The following STAT3 variants were observed in gnomAD, a reference collection of about 807,000 sequenced individuals.
STAT3 encodes the protein DNA-binding protein APRF.
In STAT3, 7 loss-of-function variants were observed where a neutral mutation model predicts 114.3. The ratio of observed to expected loss-of-function variants is 0.06; its 90% CI spans 0.03 to 0.11. STAT3 has a LOEUF of 0.11. Ranked by LOEUF, STAT3 falls within the 10% of genes least tolerant of loss-of-function variation. STAT3 has a pLI of 1.00. For synonymous variants in STAT3, 331 were observed against 354.5 expected, an observed-to-expected ratio of 0.93 and a Z score of 0.74; for missense variants, 364 against 960.9, an observed-to-expected ratio of 0.38 and a Z score of 8.21.
chr17:42,387,994 T>G (rs932054421), intron 1 of STAT3: 2 of 345,590 alleles, frequency 5.8e-6, no homozygotes, highest in African/African-American at 4.2e-5. Flanking sequence ...TGTCCCTCAC[T>G]CCTGCCGCCG....
chr17:42,350,102 C>T (rs1469424745), intron 1 of STAT3, among the ~76,000 whole-genome samples: 1 of 151,694 alleles, frequency 6.6e-6, no homozygotes, highest in Non-Finnish European at 1.5e-5. Context: ...AAGTCAGAGC[C>T]AAAGATGAAG....
At position 42,329,411 on chromosome 17, in the gene STAT3, T is replaced by C. The variant is rs749583802; in HGVS notation, c.1280A>G (p.Asp427Gly). Reference sequence around the variant, plus strand: ...TCTTTCATCCCCAACAAAACTTACATCACAATTGGCTCGGCCCCCATTCCC... The same window carrying C: ...TCTTTCATCCCCAACAAAACTTACACCACAATTGGCTCGGCCCCCATTCCC... Reference protein sequence around the residue: ...RCGNGGRANCDASLIVTEELH... With the variant: ...RCGNGGRANCGASLIVTEELH... The change falls in exon 14 of 24, where the codon GAT becomes GGT. Residue 427 changes from aspartate (D) to glycine (G), a missense_variant and splice_region_variant. Physicochemically the swap from Asp to Gly is moderately conservative, Grantham distance 94 (BLOSUM62 -1). Transcript: ENST00000264657. The C allele has an allele frequency of 6.2e-7, 1 of 1,613,922 alleles. No homozygotes were observed. The highest frequency in any genetic ancestry group is 8.5e-7 in the Non-Finnish European group (1 of 1,180,008).
chr17:42,363,264 G>C (rs919216902), intron 1 of STAT3, among the ~76,000 whole-genome samples: 4 of 152,168 alleles, frequency 2.6e-5, no homozygotes, highest in African/African-American at 9.7e-5. Context: ...GAATGATCAA[G>C]AATCACTGAT....
At chr17:42,378,949 T>G (rs1432867549) in intron 1 of STAT3, among the ~76,000 whole-genome samples, 2 of 152,150 alleles carry the variant, frequency 1.3e-5, no homozygotes, top group Non-Finnish European at 2.9e-5. Flanking sequence ...AAGCAGGTGC[T>G]CAAGTTCAGA....
intron 1 of STAT3, chr17:42,387,906 G>A (rs1466741896): frequency 5.1e-6 from 1 of 194,274 alleles, no homozygotes; most frequent in Non-Finnish European, 1.0e-5. Context: ...CACTCGCGCC[G>A]GTGATCCCCG....
intron 1 of STAT3, among the ~76,000 whole-genome samples, chr17:42,379,450 T>G (rs1235791629): frequency 6.6e-6 from 1 of 152,230 alleles, no homozygotes. Context: ...CTCATACACA[T>G]GTACATTTGC....
At chr17:42,356,143 A>G (rs191111621) in intron 1 of STAT3, among the ~76,000 whole-genome samples, 1 of 152,352 alleles carries the variant, frequency 6.6e-6, no homozygotes, top group Admixed American at 6.5e-5. Context: ...AAAGAAACAC[A>G]GAAGATTTCT....
rs2082276377 is a variant in STAT3 at position 42,337,515 on chromosome 17, C to A, written c.717G>T (p.Glu239Asp). 1 of 1,614,128 alleles carries A rather than the reference C, an allele frequency of 6.2e-7. No homozygotes were observed. Among genetic ancestry groups the A allele is most frequent in the African/African-American group, 1.3e-5 (1 of 74,942 alleles). Residue 239 changes from glutamate to aspartate, a missense_variant, in exon 8 of 24, where the codon GAG becomes GAT. Around this residue, in one of 5 missense-constraint regions of STAT3, gnomAD observed 294 missense variants for 745.1 expected, o/e 0.39. Coordinates refer to ENST00000264657, the MANE Select transcript of STAT3 (RefSeq NM_139276.3). The surrounding 1 kb of genome is among the most constrained non-coding windows in gnomAD (Gnocchi z 4.0). ...GTTGCCGCCTCTTCCAGTCAGCCAG[C>A]TCCTCGTCCGTGAGAGTTTTCTGCA... ...EYVQKTLTDEELADWKRRQQI... is the reference protein window; with the variant it reads ...EYVQKTLTDEDLADWKRRQQI...
chr17:42,385,752 A>C (rs2085068233), intron 1 of STAT3, among the ~76,000 whole-genome samples: 1 of 152,188 alleles, frequency 6.6e-6, no homozygotes, highest in South Asian at 2.1e-4. Flanking sequence ...GACTGTCCTT[A>C]ATCTAAAACA....
chr17:42,325,554 G>A (rs1203625199), intron 15 of STAT3, among the ~76,000 whole-genome samples: 3 of 151,392 alleles, frequency 2.0e-5, no homozygotes, highest in African/African-American at 7.3e-5. Flanking sequence ...ACTTTATAAA[G>A]TCAGTTCTAA....
intron 4 of STAT3, 157 bp downstream of exon 4, chr17:42,345,402 T>A: frequency 1.4e-6 from 1 of 700,506 alleles, no homozygotes; most frequent in South Asian, 1.9e-5. Flanking sequence ...GGTGGAACTT[T>A]CTTTTTTTTT....
At chr17:42,347,970 G>A (rs1210676616) in intron 2 of STAT3, among the ~76,000 whole-genome samples, 1 of 152,176 alleles carries the variant, frequency 6.6e-6, no homozygotes, top group African/African-American at 2.4e-5. Flanking sequence ...AGCAAATTGA[G>A]AACAGACTAA....
At chr17:42,380,627 G>A (rs1245284494) in intron 1 of STAT3, among the ~76,000 whole-genome samples, 1 of 150,332 alleles carries the variant, frequency 6.7e-6, no homozygotes, top group Non-Finnish European at 1.5e-5. Flanking sequence ...GACCTCAGGT[G>A]ATCCACCCGC....
chr17:42,316,943 G>T, intron 22 of STAT3, 42 bp from the exon 23 acceptor site: 1 of 1,589,574 alleles, frequency 6.3e-7, no homozygotes, highest in South Asian at 1.1e-5. Context: ...ACGGGGGGTT[G>T]ACAAGACACA....
chr17:42,337,612 G>A lies in STAT3; in HGVS notation c.646-26C>T. On this transcript the variant is annotated intron_variant, in intron 7 of 23. Transcript: ENST00000264657. The surrounding 1 kb of genome is among the most constrained non-coding windows in gnomAD (Gnocchi z 4.0). ...CTGGTTGGAAACCAAAACAAAGTCAGAAAACATTTCCTCAGACTGTCTCTA... is the reference window on the plus strand; with the variant it reads ...CTGGTTGGAAACCAAAACAAAGTCAAAAAACATTTCCTCAGACTGTCTCTA... 6.2e-7 allele frequency: 1 copy of A among 1,614,144 alleles called. No individual in the cohort carries two copies. Among genetic ancestry groups the A allele is most frequent in the Non-Finnish European group, 8.5e-7 (1 of 1,180,032 alleles).
At chr17:42,367,694 G>A (rs550790158) in intron 1 of STAT3, among the ~76,000 whole-genome samples, 5 of 152,154 alleles carry the variant, frequency 3.3e-5, no homozygotes, top group African/African-American at 7.2e-5. Flanking sequence ...AGTACTCATC[G>A]CCCTCCATTG....
rs553396623 is a variant in STAT3, at chr17:42,337,128, C to T, written c.797+307G>A. Among the ~76,000 whole-genome samples, 34 of 151,992 alleles carry T rather than the reference C, an allele frequency of 2.2e-4. No homozygotes were observed. Among genetic ancestry groups the T allele is most frequent in the Non-Finnish European group, 4.6e-4 (31 of 68,002 alleles). The stretch of plus-strand genomic sequence containing the variant: ...CAGAGTAGCTGGGACTACAGGTGCG[C>T]ACCACCACGCCCGGCTAATTTTTTT... On this transcript the variant is annotated intron_variant, in intron 8 of 23. Coordinates refer to ENST00000264657, the MANE Select transcript of STAT3 (RefSeq NM_139276.3). The surrounding 1 kb of genome is among the most constrained non-coding windows in gnomAD (Gnocchi z 4.0).
chr17:42,360,654 A>T (rs1228160534), intron 1 of STAT3, among the ~76,000 whole-genome samples: 1 of 152,130 alleles, frequency 6.6e-6, no homozygotes, highest in African/African-American at 2.4e-5. Context: ...CAAAAAAAAA[A>T]AAAGAATTTT....
intron 1 of STAT3, among the ~76,000 whole-genome samples, chr17:42,380,969 G>A (rs1055203674): frequency 2.0e-5 from 3 of 152,054 alleles, no homozygotes; most frequent in East Asian, 1.9e-4. Flanking sequence ...CTGTCTGCCC[G>A]GCACTATGCA....
Sources: gnomAD v4.1 joint callset for allele counts (sites outside exome capture counted in the v4.1 genomes callset) on GRCh38, gnomAD v4.1.1 for gene constraint, gnomAD v4.1.1 regional missense constraint, Gnocchi (gnomAD v3.1) non-coding constraint, MANE v1.5 for transcripts, NCBI Gene and HGNC (gene_info 2026-07-23, HGNC 2026-07-21) for gene names.